TBC1D5: variants seen among roughly 807,000 people sequenced by gnomAD.
TBC1D5 encodes the protein TBC1 domain family member 5, also known as TBC1 domain family, member 5.
TBC1D5 carries 75 observed loss-of-function variants against 100.3 expected under a neutral mutation model. The observed-to-expected ratio is 0.75, with a 90% CI of 0.62 to 0.91. TBC1D5 has a LOEUF of 0.91. Among genes scored for constraint, TBC1D5 ranks in the 40% least tolerant of loss-of-function variants. TBC1D5 has a pLI of 0.00. For missense variants in TBC1D5, 910 were observed against 942.4 expected (o/e 0.97, Z 0.45); for synonymous variants, 323 against 325.6 (o/e 0.99, Z 0.09).
intron 1 of TBC1D5, among the ~76,000 whole-genome samples, chr3:17,631,200 G>C (rs557349320): frequency 5.3e-5 from 8 of 152,280 alleles, no homozygotes; most frequent in African/African-American, 1.9e-4. Context: ...GAAAGCATGT[G>C]TGGTCTAAAC....
intron 1 of TBC1D5, among the ~76,000 whole-genome samples, chr3:17,651,452 A>G (rs1017097641): frequency 2.6e-5 from 4 of 152,196 alleles, no homozygotes; most frequent in African/African-American, 9.6e-5. Flanking sequence ...AGATGGTTTC[A>G]GCATCTTCAA....
chr3:17,528,909 C>T (rs948558250), intron 2 of TBC1D5, among the ~76,000 whole-genome samples: 1 of 152,142 alleles, frequency 6.6e-6, no homozygotes, highest in Non-Finnish European at 1.5e-5. Flanking sequence ...CTTTTAGTCT[C>T]GAACTCTAAG....
intron 9 of TBC1D5, among the ~76,000 whole-genome samples, chr3:17,382,610 G>C (rs1359333980): frequency 3.3e-5 from 5 of 149,834 alleles, no homozygotes; most frequent in African/African-American, 1.2e-4. Flanking sequence ...GCTCAGGCTA[G>C]AGTGCAGTGA....
chr3:17,573,223 T>TTCCGGTC (rs1338592512), intron 2 of TBC1D5, among the ~76,000 whole-genome samples: 1 of 152,038 alleles, frequency 6.6e-6, no homozygotes, highest in Admixed American at 6.6e-5. Flanking sequence ...AGTATTTCCT[T>TTCCGGTC]TCCGGTCTTC....
chr3:17,514,057 G>A (rs1048621316), intron 2 of TBC1D5, among the ~76,000 whole-genome samples: 2 of 152,010 alleles, frequency 1.3e-5, no homozygotes, highest in Non-Finnish European at 2.9e-5. Flanking sequence ...AAAAAAGAGG[G>A]AAAGAAAACA....
At chr3:17,478,018 G>A (rs542226570) in intron 3 of TBC1D5, among the ~76,000 whole-genome samples, 3 of 151,980 alleles carry the variant, frequency 2.0e-5, no homozygotes, top group Non-Finnish European at 4.4e-5. Context: ...AAATGTGATT[G>A]AAATTAAACT....
intron 3 of TBC1D5, among the ~76,000 whole-genome samples, chr3:17,431,684 C>T (rs1262383348): frequency 3.3e-5 from 5 of 151,810 alleles, no homozygotes; most frequent in Non-Finnish European, 5.9e-5. Context: ...TGCTGATTTG[C>T]AAAAATATGC....
intron 2 of TBC1D5, among the ~76,000 whole-genome samples, chr3:17,556,601 C>T (rs2096523577): frequency 2.0e-5 from 3 of 152,150 alleles, no homozygotes; most frequent in Admixed American, 2.0e-4. Flanking sequence ...TGTCTCATCC[C>T]TGAAAGCTTA....
chr3:17,330,721 TTTTCAGACTAATATGTG>T (rs1484474184), intron 13 of TBC1D5, among the ~76,000 whole-genome samples: 1 of 152,148 alleles, frequency 6.6e-6, no homozygotes, highest in Non-Finnish European at 1.5e-5. Context: ...TTCCCTGTGA[TTTTCAGACTAATATGTG>T]TAGCTGCCTG....
intron 1 of TBC1D5, among the ~76,000 whole-genome samples, chr3:17,649,820 T>G (rs554083727): frequency 2.0e-5 from 3 of 152,262 alleles, no homozygotes; most frequent in Admixed American, 2.0e-4. Context: ...TATAAATCAT[T>G]CTACTATAAA....
intron 16 of TBC1D5, 43 bp downstream of exon 16, chr3:17,258,463 T>C: frequency 6.4e-7 from 1 of 1,569,300 alleles, no homozygotes; most frequent in Non-Finnish European, 8.7e-7. Context: ...TCTCTGAGAC[T>C]ACCTTTGTGA....
chr3:17,252,810 C>A (rs1222188599), intron 16 of TBC1D5, among the ~76,000 whole-genome samples: 1 of 152,148 alleles, frequency 6.6e-6, no homozygotes, highest in Non-Finnish European at 1.5e-5. Context: ...GAACAGGCAC[C>A]ACATCTATCT....
chr3:17,628,951 C>T lies in TBC1D5; in HGVS notation c.-100-5038G>A, dbSNP rs187979947. 5.3e-5 allele frequency among the ~76,000 whole-genome samples: 8 copies of T among 152,234 alleles called. 1 individual carries two copies. In the East Asian group the frequency reaches 5.8e-4, roughly 11 times the overall value. On this transcript the variant is annotated intron_variant, in intron 1 of 21. Coordinates refer to ENST00000253692, the Ensembl canonical transcript of TBC1D5. ...CGCCTACATTTTCACTGACAGCACACGGAGTGTAAAACTGGCATTGTAAAC... is the reference window on the plus strand; with the variant it reads ...CGCCTACATTTTCACTGACAGCACATGGAGTGTAAAACTGGCATTGTAAAC...
chr3:17,488,171 T>A (rs1190090157), intron 3 of TBC1D5, among the ~76,000 whole-genome samples: 1 of 152,210 alleles, frequency 6.6e-6, no homozygotes, highest in African/African-American at 2.4e-5. Context: ...CAACCATCGA[T>A]GTTTTTACCG....
intron 13 of TBC1D5, among the ~76,000 whole-genome samples, chr3:17,343,861 CTTCT>C (rs1272325058): frequency 1.3e-5 from 2 of 151,946 alleles, no homozygotes; most frequent in African/African-American, 4.8e-5. Context: ...TCTCTCTTTT[CTTCT>C]TTATTAGTCT....
chr3:17,726,384 C>T (rs1383171438), intron 1 of TBC1D5, among the ~76,000 whole-genome samples: 3 of 152,098 alleles, frequency 2.0e-5, no homozygotes, highest in Non-Finnish European at 4.4e-5. Flanking sequence ...TATTTTTTGA[C>T]TTTTTAGTAA....
intron 15 of TBC1D5, among the ~76,000 whole-genome samples, chr3:17,282,013 C>T (rs2080659355): frequency 6.6e-6 from 1 of 152,028 alleles, no homozygotes; most frequent in Admixed American, 6.6e-5. Context: ...CCTTTCTGAA[C>T]AAACTATTTC....
chr3:17,333,078 G>C (rs2087102185), intron 13 of TBC1D5: 1 of 152,282 alleles, frequency 6.6e-6, no homozygotes, highest in South Asian at 2.1e-4. Context: ...TACAGGGGTG[G>C]GTGGTGTCAC....
chr3:17,389,982 T>C (rs2093302104), intron 8 of TBC1D5, among the ~76,000 whole-genome samples: 1 of 152,190 alleles, frequency 6.6e-6, no homozygotes, highest in African/African-American at 2.4e-5. Context: ...TTAGCTATCC[T>C]GAAGTACAAT....
Sources: gnomAD v4.1 joint callset for allele counts (sites outside exome capture counted in the v4.1 genomes callset) on GRCh38, gnomAD v4.1.1 for gene constraint, MANE v1.5 for transcripts, NCBI Gene and HGNC (gene_info 2026-07-23, HGNC 2026-07-21) for gene names.